The following VCL variants were observed in gnomAD, a reference collection of about 807,000 sequenced individuals.
The protein encoded by VCL is epididymis luminal protein 114.
Under a neutral mutation model 125.7 loss-of-function variants are expected in VCL, and 47 were observed. The observed-to-expected ratio is 0.37, with a 90% CI of 0.30 to 0.48. The LOEUF (loss-of-function observed/expected upper bound fraction) is 0.48. Ranked by LOEUF, VCL falls within the 20% of genes least tolerant of loss-of-function variation. The pLI is 0.99. For synonymous variants in VCL, 458 were observed against 514.6 expected (o/e 0.89, Z 1.49); for missense variants, 1,069 against 1,455.5 (o/e 0.73, Z 4.32).
At chr10:74,104,968 T>C (rs1840109242) in intron 15 of VCL, 83 bp from the exon 16 acceptor site, 2 of 1,452,552 alleles carry the variant, frequency 1.4e-6, no homozygotes, top group Non-Finnish European at 1.9e-6. Context: ...TACTTTCTCA[T>C]GAGAAGTTTG....
intron 1 of VCL, among the ~76,000 whole-genome samples, chr10:74,019,385 C>T (rs1840618278): frequency 2.0e-5 from 3 of 152,170 alleles, no homozygotes; most frequent in African/African-American, 7.2e-5. Context: ...GGTATTTGTC[C>T]TAATGCTCTC....
chr10:74,026,422 G>A (rs1840773843), intron 1 of VCL, among the ~76,000 whole-genome samples: 1 of 152,140 alleles, frequency 6.6e-6, no homozygotes, highest in African/African-American at 2.4e-5. Flanking sequence ...AAACTTCTCT[G>A]TGACTCTGTT....
chr10:74,095,629 AGTTTCATTGT>A lies in VCL; in HGVS notation c.1544-26_1544-17del, dbSNP rs1362919894. On this transcript the variant is annotated splice_polypyrimidine_tract_variant and intron_variant, in intron 11 of 21. Coordinates refer to ENST00000211998, the MANE Select transcript of VCL (RefSeq NM_014000.3). ...GCAATTGTCTCCTCTGGGTCTTGTA[AGTTTCATTGT>A]TTTTCTCTTGGTCCAGGTCAGGCTG... The A allele has an allele frequency of 6.2e-7, 1 of 1,612,698 alleles. No homozygotes were observed. The highest frequency in any genetic ancestry group is 8.5e-7 in the Non-Finnish European group (1 of 1,179,974).
chr10:74,019,421 C>T (rs145589132), intron 1 of VCL, among the ~76,000 whole-genome samples: 1 of 151,842 alleles, frequency 6.6e-6, no homozygotes, highest in African/African-American at 2.4e-5. Context: ...CATCCCCCTA[C>T]AGGCCCCAGT....
At chr10:74,121,163 T>A (rs1591727481), downstream of VCL, 1 of 152,230 alleles carries the variant, frequency 6.6e-6, no homozygotes, top group African/African-American at 2.4e-5. Flanking sequence ...TGCTACTGAA[T>A]TAGCAGTTTC....
chr10:74,103,011 C>T (rs1049803525), intron 14 of VCL, among the ~76,000 whole-genome samples: 7 of 152,088 alleles, frequency 4.6e-5, no homozygotes, highest in African/African-American at 1.7e-4. Context: ...AGATTACAGG[C>T]GTCCACCACC....
intron 1 of VCL, among the ~76,000 whole-genome samples, chr10:74,021,566 A>G (rs1840667643): frequency 6.6e-6 from 1 of 152,208 alleles, no homozygotes; most frequent in Non-Finnish European, 1.5e-5. Flanking sequence ...CTCTGGAACT[A>G]CCATACCTAT....
chr10:74,018,199 T>TATATATATATATATATATATATAA, intron 1 of VCL, among the ~76,000 whole-genome samples: 6 of 141,404 alleles, frequency 4.2e-5, no homozygotes, highest in Non-Finnish European at 6.2e-5. Flanking sequence ...TATATATATA[T>TATATATATATATATATATATATAA]ATAAATACAT....
chr10:74,097,083 TAAC>T lies in VCL; in HGVS notation c.1744-118_1744-116del, dbSNP rs1323480232. Reference sequence around the variant, plus strand: ...GCTAGCTCAGTGCTTTGTACACAGTTAACAAATATTTATTGAATGAAAGACTGA... The same window carrying T: ...GCTAGCTCAGTGCTTTGTACACAGTTAAATATTTATTGAATGAAAGACTGA... On this transcript the variant is annotated intron_variant, in intron 12 of 21. Transcript: ENST00000211998. The surrounding 1 kb of genome is among the most constrained non-coding windows in gnomAD (Gnocchi z 4.1). The T allele has an allele frequency of 8.1e-5, 117 of 1,444,594 alleles. 1 individual carries two copies. Among genetic ancestry groups the T allele is most frequent in the Admixed American group, 1.5e-4 (9 of 58,240 alleles). 89.5% of individuals were successfully genotyped at this position (1,444,594 alleles called of 1,614,324 possible).
intron 8 of VCL, among the ~76,000 whole-genome samples, chr10:74,088,734 T>C (rs1197279946): frequency 6.6e-6 from 1 of 152,218 alleles, no homozygotes; most frequent in Non-Finnish European, 1.5e-5. Flanking sequence ...GTTCCCAGTC[T>C]GGTACACTTT....
chr10:74,081,396 C>A (rs1224848670), intron 6 of VCL, among the ~76,000 whole-genome samples: 2 of 152,032 alleles, frequency 1.3e-5, no homozygotes, highest in African/African-American at 4.8e-5. Context: ...TCCTGGTGCC[C>A]CCGTGTGGAA....
At chr10:74,092,781 G>A (rs752398617) in intron 10 of VCL, among the ~76,000 whole-genome samples, 3 of 152,028 alleles carry the variant, frequency 2.0e-5, no homozygotes, top group East Asian at 1.9e-4. Context: ...TGACCCCACC[G>A]CAGACATACT....
intron 1 of VCL, among the ~76,000 whole-genome samples, chr10:74,004,467 A>G (rs1840282810): frequency 6.6e-6 from 1 of 152,088 alleles, no homozygotes; most frequent in Non-Finnish European, 1.5e-5. Flanking sequence ...TTTTTTTCAC[A>G]CCACCATTCC....
intron 6 of VCL, 49 bp downstream of exon 6, chr10:74,074,952 C>T: frequency 2.5e-6 from 4 of 1,610,868 alleles, no homozygotes; most frequent in Non-Finnish European, 3.4e-6. Flanking sequence ...CTCTCCCTGG[C>T]TGGGGGTTTT....
At chr10:74,101,200 A>G (rs1033571603) in intron 14 of VCL, 103 bp downstream of exon 14, 1 of 1,487,090 alleles carries the variant, frequency 6.7e-7, no homozygotes, top group African/African-American at 1.4e-5. Flanking sequence ...GCATAAAAAA[A>G]CATATACAGG....
chr10:74,020,840 C>CAAAAAAAAAAAAAAAAAAAAAAA lies in VCL; in HGVS notation c.169-22222_169-22221insAAAAAAAAAAAAAAAAAAAAAAA, dbSNP rs567412270. 3.0e-5 allele frequency among the ~76,000 whole-genome samples: 2 copies of CAAAAAAAAAAAAAAAAAAAAAAA among 66,738 alleles called. 1 individual carries two copies. The highest frequency in any genetic ancestry group is 4.5e-4 in the Admixed American group (2 of 4,464). The allele number at this position is 66,738 out of a possible 152,430, so 43.8% of individuals were successfully genotyped here. A position where few individuals can be genotyped will look rare whatever the true frequency, so the allele number is the denominator to read the frequency against. Reference sequence around the variant, plus strand: ...TGGGCAACAGAGCAAGACCTTGTCTCAAAAAAAAAAAAAAAAAAAAAGAGA... The same window carrying CAAAAAAAAAAAAAAAAAAAAAAA: ...TGGGCAACAGAGCAAGACCTTGTCTCAAAAAAAAAAAAAAAAAAAAAAAAAAAAAAAAAAAAAAAAAAAAGAGA... On this transcript the variant is annotated intron_variant, in intron 1 of 21. Coordinates refer to ENST00000211998, the MANE Select transcript of VCL (RefSeq NM_014000.3).
chr10:74,019,364 C>T (rs1009082437), intron 1 of VCL, among the ~76,000 whole-genome samples: 2 of 152,268 alleles, frequency 1.3e-5, no homozygotes, highest in East Asian at 1.9e-4. Context: ...TTTTAAGCCC[C>T]GCATGCATTA....
intron 2 of VCL, among the ~76,000 whole-genome samples, chr10:74,056,439 C>T (rs1226460631): frequency 6.6e-6 from 1 of 152,044 alleles, no homozygotes; most frequent in African/African-American, 2.4e-5. Flanking sequence ...TGTACTATCA[C>T]TGTTTGGCCT....
chr10:74,016,728 G>C (rs960351216), intron 1 of VCL: 13 of 152,160 alleles, frequency 8.5e-5, no homozygotes, highest in African/African-American at 3.1e-4. Context: ...GTATAGATCT[G>C]TGGCATTAAG....
Sources: gnomAD v4.1 joint callset for allele counts (sites outside exome capture counted in the v4.1 genomes callset) on GRCh38, gnomAD v4.1.1 for gene constraint, Gnocchi (gnomAD v3.1) non-coding constraint, MANE v1.5 for transcripts, NCBI Gene and HGNC (gene_info 2026-07-23, HGNC 2026-07-21) for gene names.